The following TPRA1 variants were observed in gnomAD, a reference collection of about 807,000 sequenced individuals.
TPRA1 encodes the protein transmembrane protein adipocyte associated 1.
In TPRA1, 28 loss-of-function variants were observed where a neutral mutation model predicts 40.1. The ratio of observed to expected loss-of-function variants is 0.70; its 90% CI spans 0.52 to 0.96. The LOEUF (loss-of-function observed/expected upper bound fraction) is 0.96, where lower values mean the gene tolerates loss of function less well. TPRA1 is among the 40% of genes least tolerant of loss of function. TPRA1 has a pLI of 0.00. For synonymous variants in TPRA1, 219 were observed against 209.7 expected (o/e 1.04, Z -0.38); for missense variants, 441 against 482.6 (o/e 0.91, Z 0.81).
chr3:127,580,378 A>G, intron 1 of TPRA1: 1 of 530,946 alleles, frequency 1.9e-6, no homozygotes, highest in Non-Finnish European at 3.3e-6. Flanking sequence ...GCTCTATCTC[A>G]CGACCTGCAA....
In TPRA1 at chr3:127,571,844, A is replaced by T. The variant is rs536331181; in HGVS notation, c.*1677T>A. 6.6e-6 allele frequency: 1 copy of T among 151,268 alleles called. No individual in the cohort carries two copies. Among genetic ancestry groups the T allele is most frequent in the African/African-American group, 2.4e-5 (1 of 41,430 alleles). 9.4% of individuals were successfully genotyped at this position (151,268 alleles called of 1,614,324 possible). On this transcript the variant is annotated 3_prime_UTR_variant, in exon 11 of 11. Transcript: ENST00000355552. ...TTTTTAAAAAACAAACTTAAAAATT[A>T]TAAAAATGGTCTCTTTTCTTCTGTT... is the stretch of plus-strand genomic sequence containing the variant.
At chr3:127,575,301 C>T (rs1312142956) in intron 9 of TPRA1, 36 bp from the exon 10 acceptor site, 1 of 1,604,592 alleles carries the variant, frequency 6.2e-7, no homozygotes, top group Admixed American at 1.7e-5. Context: ...GGCCTCCTAG[C>T]CCCATGCTGA....
At position 127,571,552 on chromosome 3, in the gene TPRA1, C is replaced by G. The variant is rs1051534224; in HGVS notation, c.*1969G>C. The G allele has an allele frequency of 2.6e-5, 4 of 152,172 alleles. No homozygotes were observed. Among genetic ancestry groups the G allele is most frequent in the Non-Finnish European group, 5.9e-5 (4 of 68,040 alleles). The allele number at this position is 152,172 out of a possible 1,614,324, so 9.4% of individuals were successfully genotyped here. On this transcript the variant is annotated 3_prime_UTR_variant, in exon 11 of 11. Transcript: ENST00000355552. ...CCATATATCCATATATATGTAGCTG[C>G]AGGGGTGAAGCAGTCCTCCACTTGA...
At chr3:127,594,423 C>T (rs1041804426), upstream of TPRA1, among the ~76,000 whole-genome samples, 1 of 152,166 alleles carries the variant, frequency 6.6e-6, no homozygotes, top group Non-Finnish European at 1.5e-5. Flanking sequence ...GGAAAAACCA[C>T]AAAGTAGACC....
In TPRA1 at chr3:127,577,095, G is replaced by T. The variant is rs1453243106; in HGVS notation, c.259-19C>A. On this transcript the variant is annotated intron_variant, in intron 3 of 10. Coordinates refer to ENST00000355552, the MANE Select transcript of TPRA1 (RefSeq NM_001136053.4). ...CAAACACCTGGTGGGCAAGGGAGTG[G>T]TGTGGCAGTCAGGGAACAAGAGCCT... 2 of 1,612,640 alleles carry T rather than the reference G, an allele frequency of 1.2e-6. No individual in the cohort carries two copies. Among genetic ancestry groups the T allele is most frequent in the Admixed American group, 3.3e-5 (2 of 60,028 alleles).
rs2073388551 is a variant in TPRA1 at position 127,571,951 on chromosome 3, C to A, written c.*1570G>T. 6.6e-6 allele frequency: 1 copy of A among 152,226 alleles called. No individual in the cohort carries two copies. The highest frequency in any genetic ancestry group is 2.1e-4 in the South Asian group (1 of 4,828). 9.4% of individuals were successfully genotyped at this position (152,226 alleles called of 1,614,324 possible). A position where few individuals can be genotyped will look rare whatever the true frequency, so the allele number is the denominator to read the frequency against. On this transcript the variant is annotated 3_prime_UTR_variant, in exon 11 of 11. Coordinates refer to ENST00000355552, the MANE Select transcript of TPRA1 (RefSeq NM_001136053.4). Reference sequence around the variant, plus strand: ...TTGGACTGCATGTGGATCTGATGGTCAAATCCCTGCTGGCCCCAACCCTTA... The same window carrying A: ...TTGGACTGCATGTGGATCTGATGGTAAAATCCCTGCTGGCCCCAACCCTTA...
intron 1 of TPRA1, among the ~76,000 whole-genome samples, chr3:127,584,447 T>TAAAAAAAAAAAAAAA (rs1163065087): frequency 4.8e-5 from 1 of 20,862 alleles, no homozygotes; most frequent in African/African-American, 2.1e-4. Context: ...AGACCCTGTC[T>TAAAAAAAAAAAAAAA]AAAAAAAAAA....
intron 1 of TPRA1, among the ~76,000 whole-genome samples, chr3:127,580,666 G>A (rs1045789844): frequency 6.6e-6 from 1 of 152,260 alleles, no homozygotes; most frequent in African/African-American, 2.4e-5. Context: ...GTTCTGACCT[G>A]CCACACCATG....
At chr3:127,578,176 T>A (rs1480796196) in intron 3 of TPRA1, among the ~76,000 whole-genome samples, 13 of 152,236 alleles carry the variant, frequency 8.5e-5, no homozygotes, top group Non-Finnish European at 1.6e-4. Context: ...ATACTCTGTC[T>A]TTTGTGCCAT....
At position 127,572,548 on chromosome 3, in the gene TPRA1, A is replaced by C. The variant is rs1410020161; in HGVS notation, c.*973T>G. On this transcript the variant is annotated 3_prime_UTR_variant, in exon 11 of 11. Coordinates refer to ENST00000355552, the MANE Select transcript of TPRA1 (RefSeq NM_001136053.4). ...CCAACCACACCCATCCTTATGACAA[A>C]CATCAGTCCCCGAGTCCTGTCTGCT... 1.3e-5 allele frequency among the ~76,000 whole-genome samples: 2 copies of C among 152,116 alleles called. No individual in the cohort carries two copies. Among genetic ancestry groups the C allele is most frequent in the Admixed American group, 1.3e-4 (2 of 15,274 alleles).
chr3:127,597,771 G>T (rs1443609944), intron 1 of TPRA1, among the ~76,000 whole-genome samples: 1 of 152,056 alleles, frequency 6.6e-6, no homozygotes, highest in Non-Finnish European at 1.5e-5. Flanking sequence ...CTCCTAAGAC[G>T]GTAAGAAGCG....
At chr3:127,593,444 T>C (rs376855682), upstream of TPRA1, among the ~76,000 whole-genome samples, 4 of 152,254 alleles carry the variant, frequency 2.6e-5, no homozygotes, top group East Asian at 7.7e-4. Flanking sequence ...TCAAGCTCAA[T>C]ATATCACTGG....
chr3:127,584,126 G>C (rs1354552035), intron 1 of TPRA1, among the ~76,000 whole-genome samples: 1 of 145,254 alleles, frequency 6.9e-6, no homozygotes, highest in Admixed American at 6.9e-5. Context: ...TATTTAAAAA[G>C]CAAACTTGGA....
At chr3:127,577,743 G>A (rs994316361) in intron 3 of TPRA1, among the ~76,000 whole-genome samples, 3 of 152,116 alleles carry the variant, frequency 2.0e-5, no homozygotes, top group East Asian at 3.9e-4. Context: ...CCCCCACTTC[G>A]GTGGTTCCAG....
intron 1 of TPRA1, among the ~76,000 whole-genome samples, chr3:127,583,325 AAAAG>A (rs1257320429): frequency 6.6e-6 from 1 of 151,728 alleles, no homozygotes; most frequent in African/African-American, 2.4e-5. Context: ...GAAAAAAAAA[AAAAG>A]AAACAAACAA....
At position 127,572,493 on chromosome 3, in the gene TPRA1, T is replaced by G. The variant is rs2107612339; in HGVS notation, c.*1028A>C. Among the ~76,000 whole-genome samples, 1 of 152,348 alleles carries G rather than the reference T, an allele frequency of 6.6e-6. No homozygotes were observed. Among genetic ancestry groups the G allele is most frequent in the East Asian group, 1.9e-4 (1 of 5,180 alleles). Reference sequence around the variant, plus strand: ...CCCTACTCATGCCTTATGATCCCAGTGCTTTGCTCTGATTTACTCCCATTT... The same window carrying G: ...CCCTACTCATGCCTTATGATCCCAGGGCTTTGCTCTGATTTACTCCCATTT... On this transcript the variant is annotated 3_prime_UTR_variant, in exon 11 of 11. Transcript: ENST00000355552.
Position 127,575,506 on chromosome 3 carries a change from C to A in TPRA1, c.671-1G>T. 2 of 1,562,352 alleles carry A rather than the reference C, an allele frequency of 1.3e-6. No individual in the cohort carries two copies. The highest frequency in any genetic ancestry group is 1.2e-5 in the South Asian group (1 of 84,028). ...GCATACACGTAGAAGCTCCTCCGAG[C>A]TGGGGGCCGGACAGGGTGGGTCGTG... On this transcript the variant is annotated splice_acceptor_variant, in intron 8 of 10. Transcript: ENST00000355552. LOFTEE classifies it high-confidence loss of function.
intron 1 of TPRA1, among the ~76,000 whole-genome samples, chr3:127,583,473 G>C (rs2073897280): frequency 6.6e-6 from 1 of 152,118 alleles, no homozygotes. Flanking sequence ...ACTCCAGCCT[G>C]GGTGACAGAG....
At chr3:127,577,211 G>T in intron 3 of TPRA1, 135 bp from the exon 4 acceptor site, 2 of 816,286 alleles carry the variant, frequency 2.5e-6, no homozygotes, top group Non-Finnish European at 4.0e-6. Flanking sequence ...AAGTCAGGGT[G>T]GGACACAGGG....
Sources: gnomAD v4.1 joint callset for allele counts (sites outside exome capture counted in the v4.1 genomes callset) on GRCh38, gnomAD v4.1.1 for gene constraint, MANE v1.5 for transcripts, NCBI Gene and HGNC (gene_info 2026-07-23, HGNC 2026-07-21) for gene names.